SEC16A: variants seen among roughly 807,000 people sequenced by gnomAD.
The protein encoded by SEC16A is protein transport protein Sec16A.
Under a neutral mutation model 221.9 loss-of-function variants are expected in SEC16A, and 110 were observed. That is an observed-to-expected ratio of 0.50 (90% CI 0.42 to 0.58). The LOEUF (loss-of-function observed/expected upper bound fraction) is 0.58. Among genes scored for constraint, SEC16A ranks in the 20% least tolerant of loss-of-function variants. The pLI is 0.00. For missense variants in SEC16A, 3,165 were observed against 3,097.8 expected, an observed-to-expected ratio of 1.02 and a Z score of -0.52; for synonymous variants, 1,393 against 1,257.7, an observed-to-expected ratio of 1.11 and a Z score of -2.28.
At position 136,465,964 on chromosome 9, in the gene SEC16A, T is replaced by G; in HGVS notation, c.4301A>C (p.Gln1434Pro). 1 of 1,613,196 alleles carries G rather than the reference T, an allele frequency of 6.2e-7. No individual in the cohort carries two copies. The highest frequency in any genetic ancestry group is 8.5e-7 in the Non-Finnish European group (1 of 1,179,804). ...CCTCTGTCCTGCTGAGCACACACCT[T>G]GCTCCATGGCAGGCCAGACGGTGTC... ...PADTVWPAME[Q>P]VSSRPTSPEK... The change falls in exon 8 of 32, where the codon CAA becomes CCA. Residue 1434 changes from glutamine (Q) to proline (P), a missense_variant and splice_region_variant. By Grantham distance (76) the Gln-to-Pro change is moderately conservative. Transcript: ENST00000684901.
chr9:136,466,082 G>GA lies in SEC16A; in HGVS notation c.4182dup (p.Pro1395SerfsTer49). On this transcript the variant is annotated frameshift_variant, in exon 8 of 32. Coordinates refer to ENST00000684901, the MANE Select transcript of SEC16A (RefSeq NM_014866.2). LOFTEE classifies it high-confidence loss of function. This position sits in a 1 kb window ranked among gnomAD's most constrained non-coding sequence, Gnocchi z 5.5. ...AAATCGCCGTGAAAGGAGCCTGGAG[G>GA]AAGCGGGGCCTCGTAGGAACCGGCA... The GA allele has an allele frequency of 6.2e-7, 1 of 1,611,716 alleles. No homozygotes were observed. Among genetic ancestry groups the GA allele is most frequent in the Non-Finnish European group, 8.5e-7 (1 of 1,178,550 alleles).
In SEC16A at chr9:136,463,515, T is replaced by C; in HGVS notation, c.4595A>G (p.Glu1532Gly). 1 of 1,613,906 alleles carries C rather than the reference T, an allele frequency of 6.2e-7. No homozygotes were observed. The highest frequency in any genetic ancestry group is 8.5e-7 in the Non-Finnish European group (1 of 1,179,878). ...CLQNENLIDK[E>G]SASLLWNFIV... is the part of the protein sequence containing the mutation. ...AAAATTCCAAAGAAGACTTGCAGAC[T>C]CTTTGTCAATTAAGTTTTCATTCTG... The change falls in exon 11 of 32, where the codon GAG (glutamate) becomes GGG (glycine). Residue 1532 changes from glutamate (E) to glycine (G), a missense_variant. By Grantham distance (98) the Glu-to-Gly change is moderately conservative. This residue lies in a region of SEC16A where 1,088 missense variants were observed against 1,089.6 expected (regional missense o/e 1.00). Transcript: ENST00000684901.
rs769263304 is a variant in SEC16A, at chr9:136,474,401, T to G, written c.3215A>C (p.Gln1072Pro). 6.2e-7 allele frequency: 1 copy of G among 1,612,778 alleles called. No homozygotes were observed. Among genetic ancestry groups the G allele is most frequent in the Non-Finnish European group, 8.5e-7 (1 of 1,179,884 alleles). Residue 1072 changes from glutamine (Q) to proline (P), a missense_variant, in exon 3 of 32, where the codon CAA becomes CCA. Gln to Pro is a moderately conservative substitution (Grantham distance 76). Coordinates refer to ENST00000684901, the MANE Select transcript of SEC16A (RefSeq NM_014866.2). ...CTCCGAAAACATGGCTTTGGGTAGT[T>G]GTGGGGGAGAAGCCTGTTGCTGGGG... Reference protein sequence around the residue: ...VPPQQQASPPQLPKAMFSELS... With the variant: ...VPPQQQASPPPLPKAMFSELS...
intron 4 of SEC16A, among the ~76,000 whole-genome samples, chr9:136,471,566 A>AGTCCTCCCAGGCCTCCGGAGACCG (rs1472558597): frequency 6.6e-6 from 1 of 152,238 alleles, no homozygotes; most frequent in East Asian, 1.9e-4. Context: ...CTCTGTGACC[A>AGTCCTCCCAGGCCTCCGGAGACCG]GTCCTCCCAG....
intron 2 of SEC16A, among the ~76,000 whole-genome samples, chr9:136,477,987 G>A (rs888459426): frequency 2.0e-5 from 3 of 152,120 alleles, no homozygotes; most frequent in African/African-American, 4.8e-5. Flanking sequence ...CCGCAGACCC[G>A]CGCCACAACA....
At position 136,475,898 on chromosome 9, in the gene SEC16A, C is replaced by T; in HGVS notation, c.1718G>A (p.Gly573Asp). 1.2e-6 allele frequency: 2 copies of T among 1,609,794 alleles called. No individual in the cohort carries two copies. Among genetic ancestry groups the T allele is most frequent in the Non-Finnish European group, 1.7e-6 (2 of 1,177,912 alleles). Residue 573 changes from glycine to aspartate, a missense_variant, in exon 3 of 32, where the codon GGT becomes GAT. Physicochemically the swap from Gly to Asp is moderately conservative, Grantham distance 94. Coordinates refer to ENST00000684901, the MANE Select transcript of SEC16A (RefSeq NM_014866.2). This position sits in a 1 kb window ranked among gnomAD's most constrained non-coding sequence, Gnocchi z 5.0. ...FKQIDSSPVG[G>D]ETDETTVSQN... ...GCTCACAGTGGTCTCGTCTGTTTCACCTCCTACGGGAGAAGAATCGATTTG... is the reference window on the plus strand; with the variant it reads ...GCTCACAGTGGTCTCGTCTGTTTCATCTCCTACGGGAGAAGAATCGATTTG...
upstream of SEC16A, chr9:136,483,084 T>G (rs1363627307): frequency 3.2e-6 from 3 of 932,464 alleles, no homozygotes; most frequent in African/African-American, 5.3e-5. Context: ...GTGTCCGGCT[T>G]ACGACATCAG....
Position 136,459,435 on chromosome 9 carries a change from G to C in SEC16A, c.5303+9C>G. Reference sequence around the variant, plus strand: ...AAACTTACAGGACTACACTGACTTGGTTCTTTACCTGTGATTGGATCCGAT... The same window carrying C: ...AAACTTACAGGACTACACTGACTTGCTTCTTTACCTGTGATTGGATCCGAT... On this transcript the variant is annotated intron_variant, in intron 16 of 31. Transcript: ENST00000684901. The surrounding 1 kb of genome is among the most constrained non-coding windows in gnomAD (Gnocchi z 6.1). 1 of 1,587,412 alleles carries C rather than the reference G, an allele frequency of 6.3e-7. No homozygotes were observed. The highest frequency in any genetic ancestry group is 8.6e-7 in the Non-Finnish European group (1 of 1,163,296).
In SEC16A at chr9:136,441,548, T is replaced by C; in HGVS notation, c.*207A>G. ...AATTCTGAGTCAAAGATTCAGTCTT[T>C]CCATCCAGAATCTGAAAGGATGGTG... On this transcript the variant is annotated 3_prime_UTR_variant, in exon 32 of 32. Transcript: ENST00000684901. 1 of 578,238 alleles carries C rather than the reference T, an allele frequency of 1.7e-6. No individual in the cohort carries two copies. Among genetic ancestry groups the C allele is most frequent in the South Asian group, 2.1e-5 (1 of 47,622 alleles). 35.8% of individuals were successfully genotyped at this position (578,238 alleles called of 1,614,324 possible).
intron 31 of SEC16A, among the ~76,000 whole-genome samples, chr9:136,442,699 G>A (rs929571985): frequency 5.3e-5 from 8 of 152,244 alleles, no homozygotes; most frequent in African/African-American, 1.7e-4. Flanking sequence ...CCAGGGAAAC[G>A]GACCCTGAAA....
chr9:136,463,269 A>C (rs1421967191), intron 11 of SEC16A, 137 bp from the exon 12 acceptor site: 1 of 1,337,442 alleles, frequency 7.5e-7, no homozygotes, highest in Non-Finnish European at 1.0e-6. Flanking sequence ...GCTGGGCTGA[A>C]ACCTCATCCC....
rs529388073 is a variant in SEC16A, at chr9:136,451,356, G to A, written c.6212C>T (p.Ala2071Val). Reference sequence around the variant, plus strand: ...AGGTGGCTGCGTGGGACCCGAGTCGGCACGATCCCACCCTGGGGGGGCCTC... The same window carrying A: ...AGGTGGCTGCGTGGGACCCGAGTCGACACGATCCCACCCTGGGGGGGCCTC... Reference protein sequence around the residue: ...DSEAPPGWDRADSGPTQPPLS... With the variant: ...DSEAPPGWDRVDSGPTQPPLS... The change falls in exon 23 of 32, where the codon GCC becomes GTC. Residue 2071 changes from alanine to valine, a missense_variant. By Grantham distance (64) the Ala-to-Val change is moderately conservative (BLOSUM62 0). Around this residue, in one of 3 missense-constraint regions of SEC16A, gnomAD observed 1,088 missense variants for 1,089.6 expected, o/e 1.00. Coordinates refer to ENST00000684901, the MANE Select transcript of SEC16A (RefSeq NM_014866.2). The A allele has an allele frequency of 9.3e-6, 15 of 1,613,376 alleles. No individual in the cohort carries two copies. Among genetic ancestry groups the A allele is most frequent in the South Asian group, 2.2e-5 (2 of 91,052 alleles).
intron 18 of SEC16A, 50 bp from the exon 19 acceptor site, chr9:136,456,216 A>G: frequency 7.2e-7 from 1 of 1,391,814 alleles, no homozygotes; most frequent in Non-Finnish European, 1.0e-6. Flanking sequence ...GGTGATGGCA[A>G]GTGAGCCGTC....
chr9:136,454,075 T>G, intron 21 of SEC16A, 34 bp downstream of exon 21: 1 of 1,522,894 alleles, frequency 6.6e-7, no homozygotes, highest in Non-Finnish European at 8.9e-7. Context: ...CCCATGCTGC[T>G]TCTGCTCTCG....
In SEC16A at chr9:136,453,305, A is replaced by G. The variant is rs1838133299; in HGVS notation, c.6159+123T>C. Reference sequence around the variant, plus strand: ...ATTTAGAAGCACTTTCACTTTAAGAAACAATTTTAGAAACAATTTCATAGT... The same window carrying G: ...ATTTAGAAGCACTTTCACTTTAAGAGACAATTTTAGAAACAATTTCATAGT... On this transcript the variant is annotated intron_variant, in intron 22 of 31. Coordinates refer to ENST00000684901, the MANE Select transcript of SEC16A (RefSeq NM_014866.2). 7.2e-6 allele frequency: 5 copies of G among 690,194 alleles called. No homozygotes were observed. The South Asian group carries it at 9.2e-5, about 13-fold the overall frequency. 42.8% of individuals were successfully genotyped at this position (690,194 alleles called of 1,614,324 possible). A position where few individuals can be genotyped will look rare whatever the true frequency, so the allele number is the denominator to read the frequency against.
chr9:136,461,720 G>C (rs1839506532), intron 12 of SEC16A, among the ~76,000 whole-genome samples: 1 of 152,134 alleles, frequency 6.6e-6, no homozygotes, highest in South Asian at 2.1e-4. Context: ...AGAACTTCTG[G>C]CTGGGAGGCA....
Position 136,466,040 on chromosome 9 carries a change from G to T in SEC16A, c.4225C>A (p.Arg1409Ser). The change falls in exon 8 of 32, where the codon CGC becomes AGC. Residue 1409 changes from arginine to serine, a missense_variant. This residue lies in a region of SEC16A where 2,030 missense variants were observed against 1,923.1 expected (regional missense o/e 1.06). Transcript: ENST00000684901. The surrounding 1 kb of genome is among the most constrained non-coding windows in gnomAD (Gnocchi z 5.5). ...CCGGGGCCACTGCTGAAATTGCTGC[G>T]GTAGGTGCCGTAGGCAAAATCGCCG... Reference protein sequence around the residue: ...FHGDFAYGTYRSNFSSGPGFP... With the variant: ...FHGDFAYGTYSSNFSSGPGFP... 1 of 1,613,628 alleles carries T rather than the reference G, an allele frequency of 6.2e-7. No individual in the cohort carries two copies. The highest frequency in any genetic ancestry group is 8.5e-7 in the Non-Finnish European group (1 of 1,179,860).
At chr9:136,461,147 C>T (rs1233537693) in intron 13 of SEC16A, 30 bp downstream of exon 13, 3 of 1,558,234 alleles carry the variant, frequency 1.9e-6, no homozygotes, top group Middle Eastern at 1.7e-4. Context: ...GCAGGGCTCG[C>T]CACTGGACCA....
At chr9:136,477,737 G>C (rs1022902951) in intron 2 of SEC16A, 53 bp from the exon 3 acceptor site, 2 of 1,409,146 alleles carry the variant, frequency 1.4e-6, no homozygotes, top group South Asian at 1.5e-5. Context: ...CAAAGTCCTA[G>C]CTGCAATCAG....
Sources: gnomAD v4.1 joint callset for allele counts (sites outside exome capture counted in the v4.1 genomes callset) on GRCh38, gnomAD v4.1.1 for gene constraint, gnomAD v4.1.1 regional missense constraint, Gnocchi (gnomAD v3.1) non-coding constraint, MANE v1.5 for transcripts, NCBI Gene and HGNC (gene_info 2026-07-23, HGNC 2026-07-21) for gene names.